Variants in HS3ST2 observed in about 807,000 individuals in gnomAD.
HS3ST2 encodes the protein heparan sulfate glucosamine 3-O-sulfotransferase 2.
A neutral mutation model predicts 26.3 loss-of-function variants in HS3ST2; 17 were observed. The ratio of observed to expected loss-of-function variants is 0.65; its 90% CI spans 0.44 to 0.97. The LOEUF (loss-of-function observed/expected upper bound fraction) is 0.97. HS3ST2 is among the 50% of genes least tolerant of loss of function. The probability of loss-of-function intolerance (pLI) is 0.00; values close to 1 mark genes in which losing one functional copy is unlikely to be tolerated. For synonymous variants in HS3ST2, 237 were observed against 219.2 expected (o/e 1.08, Z -0.72); for missense variants, 402 against 501.2 (o/e 0.80, Z 1.89).
At chr16:22,911,436 C>T (rs1902423680) in intron 1 of HS3ST2, among the ~76,000 whole-genome samples, 1 of 152,160 alleles carries the variant, frequency 6.6e-6, no homozygotes, top group African/African-American at 2.4e-5. Flanking sequence ...CTGTAGTTTC[C>T]TGTGGCTACC....
chr16:22,817,523 A>T (rs1421508177), intron 1 of HS3ST2, among the ~76,000 whole-genome samples: 1 of 152,220 alleles, frequency 6.6e-6, no homozygotes, highest in Non-Finnish European at 1.5e-5. Flanking sequence ...ATTATGACCA[A>T]GTCATACACA....
At chr16:22,894,250 G>A (rs1022465260) in intron 1 of HS3ST2, among the ~76,000 whole-genome samples, 1 of 152,140 alleles carries the variant, frequency 6.6e-6, no homozygotes, top group African/African-American at 2.4e-5. Context: ...TTCTAGCTTG[G>A]TGCCTCACCC....
chr16:22,831,307 A>G (rs1216814587), intron 1 of HS3ST2, among the ~76,000 whole-genome samples: 2 of 152,166 alleles, frequency 1.3e-5, no homozygotes, highest in Non-Finnish European at 2.9e-5. Flanking sequence ...ATGGAACTAT[A>G]TTATTTTATC....
intron 1 of HS3ST2, among the ~76,000 whole-genome samples, chr16:22,875,144 G>A (rs1041245736): frequency 1.5e-4 from 23 of 151,820 alleles, no homozygotes; most frequent in African/African-American, 5.1e-4. Flanking sequence ...TAACAAAAGT[G>A]TTCAAAAAGT....
chr16:22,910,379 C>A (rs1393243600), intron 1 of HS3ST2, among the ~76,000 whole-genome samples: 1 of 152,176 alleles, frequency 6.6e-6, no homozygotes, highest in Non-Finnish European at 1.5e-5. Flanking sequence ...AGTCTTTAAA[C>A]ACAGTTTAAA....
At chr16:22,820,642 C>T (rs1014372651) in intron 1 of HS3ST2, among the ~76,000 whole-genome samples, 5 of 152,234 alleles carry the variant, frequency 3.3e-5, no homozygotes, top group African/African-American at 9.6e-5. Context: ...TGCGGGAAAC[C>T]GCCATGATTC....
intron 1 of HS3ST2, among the ~76,000 whole-genome samples, chr16:22,890,547 A>T (rs943522633): frequency 6.6e-6 from 1 of 152,176 alleles, no homozygotes; most frequent in Non-Finnish European, 1.5e-5. Context: ...TAATGCAAAA[A>T]CACATATATC....
chr16:22,821,513 C>T lies in HS3ST2; in HGVS notation c.485+6418C>T, dbSNP rs1162303243. ...AGGACTTGAGGAGAGGTCATCTCCA[C>T]CTGTGAGGGCTCAGGGCAGGTGATA... On this transcript the variant is annotated intron_variant, in intron 1 of 1. Coordinates refer to ENST00000261374, the MANE Select transcript of HS3ST2 (RefSeq NM_006043.2). Among the ~76,000 whole-genome samples the T allele has an allele frequency of 4.6e-5, 7 of 151,946 alleles. No individual in the cohort carries two copies. The East Asian group carries it at 7.7e-4, about 17-fold the overall frequency.
intron 1 of HS3ST2, among the ~76,000 whole-genome samples, chr16:22,905,716 G>A (rs564988142): frequency 2.1e-4 from 32 of 152,254 alleles, no homozygotes; most frequent in Admixed American, 1.8e-3. Flanking sequence ...ACCATCTACC[G>A]TGGGATGGGA....
At chr16:22,822,143 G>A (rs1348362095) in intron 1 of HS3ST2, among the ~76,000 whole-genome samples, 2 of 152,116 alleles carry the variant, frequency 1.3e-5, no homozygotes, top group Non-Finnish European at 1.5e-5. Context: ...AGACATTTTT[G>A]TGCCACCTTC....
At chr16:22,837,245 C>T (rs959571499) in intron 1 of HS3ST2, among the ~76,000 whole-genome samples, 7 of 151,638 alleles carry the variant, frequency 4.6e-5, no homozygotes, top group African/African-American at 1.5e-4. Context: ...CTGCTCTACA[C>T]GTCATTCTCC....
At chr16:22,853,873 G>A (rs1434295885) in intron 1 of HS3ST2, among the ~76,000 whole-genome samples, 1 of 152,142 alleles carries the variant, frequency 6.6e-6, no homozygotes, top group Admixed American at 6.5e-5. Context: ...CTGATTGTCT[G>A]GTCAAGCAAG....
intron 1 of HS3ST2, among the ~76,000 whole-genome samples, chr16:22,830,121 T>C (rs1901147169): frequency 6.7e-6 from 1 of 150,048 alleles, no homozygotes; most frequent in African/African-American, 2.4e-5. Context: ...AGACTCGCTG[T>C]AGGATGTTGA....
intron 1 of HS3ST2, among the ~76,000 whole-genome samples, chr16:22,862,173 G>A (rs181006916): frequency 2.2e-4 from 34 of 152,172 alleles, no homozygotes; most frequent in African/African-American, 7.7e-4. Context: ...AATAAATGAA[G>A]GAATGCACCA....
chr16:22,906,480 C>A (rs887469410), intron 1 of HS3ST2, among the ~76,000 whole-genome samples: 7 of 152,104 alleles, frequency 4.6e-5, no homozygotes, highest in African/African-American at 1.7e-4. Context: ...GCTCCAAAAC[C>A]CCCTCAAGTG....
chr16:22,899,795 T>C (rs1429372524), intron 1 of HS3ST2, among the ~76,000 whole-genome samples: 1 of 152,218 alleles, frequency 6.6e-6, no homozygotes, highest in African/African-American at 2.4e-5. Context: ...ACTTATTCAC[T>C]ACCATGAGAA....
Position 22,830,232 on chromosome 16 carries a change from G to A in HS3ST2, c.485+15137G>A, listed in dbSNP as rs186401099. Among the ~76,000 whole-genome samples, 78 of 152,282 alleles carry A rather than the reference G, an allele frequency of 5.1e-4. 1 individual carries two copies. The highest frequency in any genetic ancestry group is 1.8e-3 in the African/African-American group (75 of 41,570). On this transcript the variant is annotated intron_variant, in intron 1 of 1. Coordinates refer to ENST00000261374, the MANE Select transcript of HS3ST2 (RefSeq NM_006043.2). Reference sequence around the variant, plus strand: ...ACGTATTCAGAACACCAAGAGAAGAGCCCATACACTTCTCTTGGCATCAGC... The same window carrying A: ...ACGTATTCAGAACACCAAGAGAAGAACCCATACACTTCTCTTGGCATCAGC...
chr16:22,905,120 G>A (rs986464503), intron 1 of HS3ST2, among the ~76,000 whole-genome samples: 1 of 152,218 alleles, frequency 6.6e-6, no homozygotes, highest in Non-Finnish European at 1.5e-5. Context: ...ATCACCACAG[G>A]CCTCCAGGCA....
chr16:22,864,451 A>C (rs1901720382), intron 1 of HS3ST2, among the ~76,000 whole-genome samples: 2 of 152,174 alleles, frequency 1.3e-5, no homozygotes, highest in African/African-American at 4.8e-5. Flanking sequence ...AGCATCTCTA[A>C]TTCTCAATTC....
Sources: gnomAD v4.1 joint callset for allele counts (sites outside exome capture counted in the v4.1 genomes callset) on GRCh38, gnomAD v4.1.1 for gene constraint, MANE v1.5 for transcripts, NCBI Gene and HGNC (gene_info 2026-07-23, HGNC 2026-07-21) for gene names.